Variants in IL6ST observed in about 807,000 individuals in gnomAD.
IL6ST encodes interleukin-6 receptor subunit beta.
A neutral mutation model predicts 91.3 loss-of-function variants in IL6ST; 24 were observed. That is an observed-to-expected ratio of 0.26 (90% confidence interval 0.19 to 0.37). The LOEUF (loss-of-function observed/expected upper bound fraction) is 0.37. Ranked by LOEUF, IL6ST falls within the 10% of genes least tolerant of loss-of-function variation. The probability of loss-of-function intolerance (pLI) is 1.00; values close to 1 mark genes in which losing one functional copy is unlikely to be tolerated. For synonymous variants in IL6ST, 351 were observed against 373.6 expected (o/e 0.94, Z 0.70); for missense variants, 914 against 1,078.5 (o/e 0.85, Z 2.14).
In IL6ST at chr5:55,937,773, A is replaced by G. The variant is rs149341839; in HGVS notation, c.*3309T>C. On this transcript the variant is annotated 3_prime_UTR_variant, in exon 17 of 17. Transcript: ENST00000381298. ...ATTGAACTTTTGTCTTATGCAGCTT[A>G]TAACTTTGTTATTTTATTCATCTCA... 220 of 192,548 alleles carry G rather than the reference A, an allele frequency of 1.1e-3. No individual in the cohort carries two copies. The highest frequency in any genetic ancestry group is 4.8e-3 in the African/African-American group (206 of 43,192). 11.9% of individuals were successfully genotyped at this position (192,548 alleles called of 1,614,324 possible).
intron 2 of IL6ST, among the ~76,000 whole-genome samples, chr5:55,981,921 T>C (rs1753698240): frequency 6.6e-6 from 1 of 152,208 alleles, no homozygotes; most frequent in South Asian, 2.1e-4. Flanking sequence ...GCTGTAATCA[T>C]TCCTCAACTA....
intron 15 of IL6ST, chr5:55,944,561 GAAAT>G (rs1561155499): frequency 2.0e-6 from 1 of 495,720 alleles, no homozygotes; most frequent in African/African-American, 2.0e-5. Flanking sequence ...AATAAATAAA[GAAAT>G]AAACCAGGTT....
chr5:55,948,986 C>T (rs1751446132), intron 14 of IL6ST: 1 of 151,722 alleles, frequency 6.6e-6, no homozygotes, highest in African/African-American at 2.4e-5. Context: ...CATGAGACTA[C>T]AGATAGAGAA....
intron 15 of IL6ST, among the ~76,000 whole-genome samples, chr5:55,943,894 A>AC (rs572401756): frequency 9.9e-5 from 15 of 152,044 alleles, no homozygotes; most frequent in Non-Finnish European, 1.5e-4. Context: ...ACATGGTGAA[A>AC]CCCCCATCTC....
At chr5:55,942,387 G>A (rs1030866736) in intron 16 of IL6ST, among the ~76,000 whole-genome samples, 1 of 152,092 alleles carries the variant, frequency 6.6e-6, no homozygotes, top group Non-Finnish European at 1.5e-5. Context: ...TTTTCAGTTT[G>A]CAAGTTCAAC....
At chr5:55,942,648 A>G in intron 16 of IL6ST, 22 bp downstream of exon 16, 1 of 1,376,318 alleles carries the variant, frequency 7.3e-7, no homozygotes, top group South Asian at 1.2e-5. Context: ...ATTATAAACA[A>G]CTCAGAAGCA....
intron 1 of IL6ST, among the ~76,000 whole-genome samples, chr5:55,987,898 C>T (rs1754066708): frequency 1.3e-5 from 2 of 151,990 alleles, no homozygotes; most frequent in Non-Finnish European, 2.9e-5. Context: ...TTTGGGAGGC[C>T]GAGGCAGGTG....
At chr5:55,970,838 T>C (rs926198263) in intron 3 of IL6ST, among the ~76,000 whole-genome samples, 3 of 151,834 alleles carry the variant, frequency 2.0e-5, no homozygotes, top group Non-Finnish European at 4.4e-5. Flanking sequence ...ACCCAGGAAG[T>C]GGAGGTTGCA....
intron 4 of IL6ST, among the ~76,000 whole-genome samples, chr5:55,968,706 T>C (rs1209197055): frequency 6.6e-6 from 1 of 152,234 alleles, no homozygotes; most frequent in Non-Finnish European, 1.5e-5. Context: ...CCATTAAGTA[T>C]ATTTTTAAAA....
intron 8 of IL6ST, chr5:55,959,576 CTATATCA>C (rs1355058955): frequency 1.1e-6 from 1 of 923,558 alleles, no homozygotes; most frequent in African/African-American, 1.7e-5. Context: ...CTTTTTTATT[CTATATCA>C]TATATATTAT....
At position 55,940,256 on chromosome 5, in the gene IL6ST, C is replaced by T. The variant is rs143403188; in HGVS notation, c.*826G>A. On this transcript the variant is annotated 3_prime_UTR_variant, in exon 17 of 17. Coordinates refer to ENST00000381298, the MANE Select transcript of IL6ST (RefSeq NM_002184.4). Reference sequence around the variant, plus strand: ...CTTCCTGTTTTCCCCTTTACTACTACAATTTAAGCCTTTAAAAATGGCAAT... The same window carrying T: ...CTTCCTGTTTTCCCCTTTACTACTATAATTTAAGCCTTTAAAAATGGCAAT... 261 of 211,392 alleles carry T rather than the reference C, an allele frequency of 1.2e-3. No individual in the cohort carries two copies. Among genetic ancestry groups the T allele is most frequent in the Middle Eastern group, 9.0e-3 (6 of 666 alleles). The allele number at this position is 211,392 out of a possible 1,614,324, so 13.1% of individuals were successfully genotyped here.
Position 55,951,536 on chromosome 5 carries a change from C to G in IL6ST, c.1768G>C (p.Val590Leu), listed in dbSNP as rs201143335. ...SSLTSDTLYM[V>L]RMAAYTDEGG... Reference sequence around the variant, plus strand: ...TCATCTGTGTATGCTGCCATTCGTACCATGTACAATGTGTCACTAGTCAAA... The same window carrying G: ...TCATCTGTGTATGCTGCCATTCGTAGCATGTACAATGTGTCACTAGTCAAA... The change falls in exon 14 of 17, where the codon GTA becomes CTA. Residue 590 changes from valine (V) to leucine (L), a missense_variant. Coordinates refer to ENST00000381298, the MANE Select transcript of IL6ST (RefSeq NM_002184.4). 2.6e-5 allele frequency: 42 copies of G among 1,610,924 alleles called. No homozygotes were observed. Among genetic ancestry groups the G allele is most frequent in the Non-Finnish European group, 3.4e-5 (40 of 1,177,286 alleles).
intron 2 of IL6ST, among the ~76,000 whole-genome samples, chr5:55,980,575 C>A (rs939746826): frequency 3.3e-5 from 5 of 151,990 alleles, no homozygotes; most frequent in Admixed American, 6.6e-5. Context: ...TAAATAAATA[C>A]TTAAGGTTCA....
At chr5:55,962,186 T>C (rs1198484025) in intron 7 of IL6ST, among the ~76,000 whole-genome samples, 1 of 152,228 alleles carries the variant, frequency 6.6e-6, no homozygotes, top group Non-Finnish European at 1.5e-5. Flanking sequence ...TTCAGGTATG[T>C]ATATTCTCTG....
At chr5:55,963,645 G>T in intron 6 of IL6ST, 139 bp from the exon 7 acceptor site, 1 of 661,818 alleles carries the variant, frequency 1.5e-6, no homozygotes, top group Non-Finnish European at 2.5e-6. Context: ...TGAAAATTAT[G>T]CTATGCTATA....
Position 55,964,241 on chromosome 5 carries a change from G to A in IL6ST, c.563C>T (p.Thr188Ile). 5 of 1,610,418 alleles carry A rather than the reference G, an allele frequency of 3.1e-6. No homozygotes were observed. Among genetic ancestry groups the A allele is most frequent in the Non-Finnish European group, 4.2e-6 (5 of 1,177,176 alleles). The change falls in exon 6 of 17, where the codon ACT (threonine) becomes ATT (isoleucine). Residue 188 changes from threonine to isoleucine, a missense_variant. Transcript: ENST00000381298. ...TPTSCTVDYSTVYFVNIEVWV... is the reference protein window; with the variant it reads ...TPTSCTVDYSIVYFVNIEVWV... ...GACTTCAATGTTGACAAAATACACA[G>A]TAGAATAATCAACAGTGCATGAGGT...
intron 5 of IL6ST, among the ~76,000 whole-genome samples, 193 bp from the exon 6 acceptor site, chr5:55,964,505 CAT>C (rs1184964944): frequency 2.0e-5 from 3 of 152,174 alleles, no homozygotes; most frequent in African/African-American, 7.2e-5. Context: ...TATCTTAAAA[CAT>C]AAAATTATTT....
rs781157702 is a variant in IL6ST, at chr5:55,954,821, G to A, written c.1439C>T (p.Thr480Ile). 1.2e-6 allele frequency: 2 copies of A among 1,605,382 alleles called. No homozygotes were observed. The highest frequency in any genetic ancestry group is 1.3e-5 in the African/African-American group (1 of 74,384). The change falls in exon 11 of 17, where the codon ACC becomes ATC. Residue 480 changes from threonine to isoleucine, a missense_variant. Coordinates refer to ENST00000381298, the MANE Select transcript of IL6ST (RefSeq NM_002184.4). The part of the protein sequence containing the change: ...WQQEDGTVHR[T>I]YLRGNLAESK... Reference sequence around the variant, plus strand: ...CTAGCCAGGTATACCTCTTAAATAGGTGCGATGCACGGTACCATCTTCTTG... The same window carrying A: ...CTAGCCAGGTATACCTCTTAAATAGATGCGATGCACGGTACCATCTTCTTG...
rs1187605626 is a variant in IL6ST, at chr5:55,941,204, G to A, written c.2635C>T (p.Pro879Ser). ...CTTTCTACTTGTCCCTCAGTACCTGGACCAAAAGCATCTGCTGCAGAAACT... is the reference window on the plus strand; with the variant it reads ...CTTTCTACTTGTCCCTCAGTACCTGAACCAAAAGCATCTGCTGCAGAAACT... ...QEVSAADAFGPGTEGQVERFE... is the reference protein window; with the variant it reads ...QEVSAADAFGSGTEGQVERFE... Residue 879 changes from proline to serine, a missense_variant, in exon 17 of 17, where the codon CCA (proline) becomes TCA (serine). Coordinates refer to ENST00000381298, the MANE Select transcript of IL6ST (RefSeq NM_002184.4). 1.2e-6 allele frequency: 2 copies of A among 1,614,048 alleles called. No individual in the cohort carries two copies. The highest frequency in any genetic ancestry group is 1.7e-5 in the Admixed American group (1 of 60,014).
Sources: allele counts gnomAD v4.1 joint callset (sites outside exome capture counted in the v4.1 genomes callset), GRCh38; gene constraint gnomAD v4.1.1; transcripts MANE v1.5; gene names NCBI Gene and HGNC (gene_info 2026-07-23, HGNC 2026-07-21).